Variants in NECAB1 observed in about 807,000 individuals in gnomAD.
NECAB1 encodes the protein N-terminal EF-hand calcium binding protein 1, also known as N-terminal EF-hand calcium-binding protein 1.
In NECAB1, 29 loss-of-function variants were observed where a neutral mutation model predicts 57.5. The observed-to-expected ratio is 0.50, with a 90% CI of 0.38 to 0.69. The LOEUF (loss-of-function observed/expected upper bound fraction) is 0.69. Among genes scored for constraint, NECAB1 ranks in the 30% least tolerant of loss-of-function variants. The probability of loss-of-function intolerance (pLI) is 0.00; values close to 1 mark genes in which losing one functional copy is unlikely to be tolerated. For synonymous variants in NECAB1, 142 were observed against 147.7 expected, an observed-to-expected ratio of 0.96 and a Z score of 0.28; for missense variants, 372 against 413.8, an observed-to-expected ratio of 0.90 and a Z score of 0.88.
intron 4 of NECAB1, among the ~76,000 whole-genome samples, chr8:90,875,277 C>G (rs184025550): frequency 5.3e-5 from 8 of 150,142 alleles, no homozygotes; most frequent in African/African-American, 1.7e-4. Context: ...GTCAGGAGAT[C>G]GAGACCATCC....
intron 5 of NECAB1, among the ~76,000 whole-genome samples, chr8:90,915,526 C>T (rs1367551055): frequency 6.6e-6 from 1 of 152,070 alleles, no homozygotes; most frequent in Non-Finnish European, 1.5e-5. Flanking sequence ...AAAGACATTG[C>T]AATTTTTAAT....
intron 3 of NECAB1, among the ~76,000 whole-genome samples, chr8:90,833,774 T>C (rs981471726): frequency 5.9e-5 from 9 of 152,162 alleles, no homozygotes; most frequent in African/African-American, 1.9e-4. Context: ...GTATTTTTCC[T>C]CCATTTCCAA....
At chr8:90,794,391 G>C (rs192223535) in intron 1 of NECAB1, among the ~76,000 whole-genome samples, 1 of 152,282 alleles carries the variant, frequency 6.6e-6, no homozygotes, top group East Asian at 1.9e-4. Context: ...ATAGGTGATA[G>C]ATATTACCTG....
chr8:90,932,822 G>A (rs1441864495), intron 8 of NECAB1, among the ~76,000 whole-genome samples: 1 of 152,126 alleles, frequency 6.6e-6, no homozygotes, highest in African/African-American at 2.4e-5. Context: ...AACAATGCTA[G>A]GATAGCCATT....
intron 2 of NECAB1, among the ~76,000 whole-genome samples, chr8:90,819,564 C>G (rs1312416678): frequency 6.6e-6 from 1 of 151,926 alleles, no homozygotes; most frequent in East Asian, 1.9e-4. Flanking sequence ...AGTATTCCCC[C>G]TCAAAAGGAC....
intron 5 of NECAB1, among the ~76,000 whole-genome samples, chr8:90,902,644 CAATA>C (rs1331582130): frequency 6.6e-6 from 1 of 151,866 alleles, no homozygotes. Context: ...ATTAAATTGA[CAATA>C]AAACATACTT....
chr8:90,885,430 C>T (rs1249263280), intron 5 of NECAB1, among the ~76,000 whole-genome samples: 1 of 152,192 alleles, frequency 6.6e-6, no homozygotes, highest in Non-Finnish European at 1.5e-5. Flanking sequence ...CTCTTCTTTC[C>T]TGCCAGACTA....
intron 7 of NECAB1, among the ~76,000 whole-genome samples, chr8:90,927,812 T>C (rs1161659376): frequency 6.6e-6 from 1 of 151,598 alleles, no homozygotes; most frequent in Non-Finnish European, 1.5e-5. Context: ...ATGGTTTTTT[T>C]TTTTATCGTA....
At chr8:90,947,099 CTTATA>C (rs1810820154) in intron 10 of NECAB1, among the ~76,000 whole-genome samples, 2 of 152,210 alleles carry the variant, frequency 1.3e-5, no homozygotes, top group Non-Finnish European at 2.9e-5. Context: ...ACCATTAATA[CTTATA>C]TTATTAGCTT....
intron 5 of NECAB1, among the ~76,000 whole-genome samples, chr8:90,886,423 G>T (rs1041948896): frequency 6.6e-6 from 1 of 152,052 alleles, no homozygotes; most frequent in African/African-American, 2.4e-5. Context: ...GTGGTAAACT[G>T]TCTTTTCTAG....
intron 1 of NECAB1, among the ~76,000 whole-genome samples, chr8:90,800,190 C>T (rs892338992): frequency 6.6e-6 from 1 of 152,048 alleles, no homozygotes; most frequent in Non-Finnish European, 1.5e-5. Flanking sequence ...GTTTATCAGT[C>T]CCAGGAGGCT....
intron 2 of NECAB1, among the ~76,000 whole-genome samples, chr8:90,814,417 C>G (rs1812023519): frequency 6.6e-6 from 1 of 152,184 alleles, no homozygotes; most frequent in Admixed American, 6.5e-5. Flanking sequence ...AGGAAAGTCA[C>G]TATGCCCAAC....
At chr8:90,932,442 A>G (rs1191353654) in intron 8 of NECAB1, among the ~76,000 whole-genome samples, 3 of 152,208 alleles carry the variant, frequency 2.0e-5, no homozygotes, top group Non-Finnish European at 4.4e-5. Context: ...GAAACAAGAT[A>G]ATATAAAATA....
At chr8:90,842,963 C>T (rs996921209) in intron 3 of NECAB1, among the ~76,000 whole-genome samples, 3 of 152,140 alleles carry the variant, frequency 2.0e-5, no homozygotes, top group Non-Finnish European at 4.4e-5. Context: ...AGGCCATTTT[C>T]ATACTGCTAT....
chr8:90,828,448 C>T (rs955391398), intron 3 of NECAB1, among the ~76,000 whole-genome samples: 3 of 152,012 alleles, frequency 2.0e-5, no homozygotes, highest in African/African-American at 7.2e-5. Context: ...CAAGCTTAAG[C>T]TCAGTGCTCA....
chr8:90,872,224 T>C, intron 4 of NECAB1, 71 bp downstream of exon 4: 1 of 1,224,148 alleles, frequency 8.2e-7, no homozygotes, highest in South Asian at 1.5e-5. Flanking sequence ...GTCTGATATA[T>C]ATCAACCTTG....
intron 2 of NECAB1, among the ~76,000 whole-genome samples, chr8:90,810,130 A>T (rs1299582567): frequency 6.6e-6 from 1 of 152,178 alleles, no homozygotes; most frequent in African/African-American, 2.4e-5. Context: ...CTTAACCAGG[A>T]TGCTTCATTT....
At chr8:90,797,264 G>A (rs1220687725) in intron 1 of NECAB1, among the ~76,000 whole-genome samples, 1 of 152,148 alleles carries the variant, frequency 6.6e-6, no homozygotes, top group East Asian at 1.9e-4. Flanking sequence ...TAAAAAAGGA[G>A]GACCATCTTC....
At chr8:90,875,151 T>C (rs1365522880) in intron 4 of NECAB1, among the ~76,000 whole-genome samples, 2 of 152,212 alleles carry the variant, frequency 1.3e-5, no homozygotes, top group African/African-American at 2.4e-5. Context: ...TCATTTTTAC[T>C]GAACCGTTTT....
Sources: allele counts gnomAD v4.1 joint callset (sites outside exome capture counted in the v4.1 genomes callset), GRCh38; gene constraint gnomAD v4.1.1; transcripts MANE v1.5; gene names NCBI Gene and HGNC (gene_info 2026-07-23, HGNC 2026-07-21).